CADPS2: variants seen among roughly 807,000 people sequenced by gnomAD.
CADPS2 encodes the protein calcium-dependent secretion activator 2.
In CADPS2, 93 loss-of-function variants were observed where a neutral mutation model predicts 172.5. That is an observed-to-expected ratio of 0.54 (90% CI 0.46 to 0.64). The LOEUF (loss-of-function observed/expected upper bound fraction) is 0.64, where lower values mean the gene tolerates loss of function less well. CADPS2 is among the 30% of genes least tolerant of loss of function. The pLI is 0.00. For synonymous variants in CADPS2, 546 were observed against 555.2 expected, an observed-to-expected ratio of 0.98 and a Z score of 0.23; for missense variants, 1,420 against 1,565.9, an observed-to-expected ratio of 0.91 and a Z score of 1.57.
chr7:122,603,940 A>ATG (rs2073143201), intron 6 of CADPS2, among the ~76,000 whole-genome samples: 1 of 152,140 alleles, frequency 6.6e-6, no homozygotes, highest in Non-Finnish European at 1.5e-5. Flanking sequence ...CAGTTATAAG[A>ATG]TGAACAAGTT....
intron 6 of CADPS2, among the ~76,000 whole-genome samples, chr7:122,604,877 A>G (rs571798505): frequency 6.6e-6 from 1 of 152,200 alleles, no homozygotes; most frequent in South Asian, 2.1e-4. Flanking sequence ...TGAGAAATGC[A>G]TCCTTAGGCG....
intron 2 of CADPS2, among the ~76,000 whole-genome samples, chr7:122,707,058 G>A (rs2136524955): frequency 6.6e-6 from 1 of 151,894 alleles, no homozygotes; most frequent in Non-Finnish European, 1.5e-5. Context: ...TGTTACTAAG[G>A]GGAAAGACAT....
chr7:122,789,859 A>G (rs1382308945), intron 1 of CADPS2, among the ~76,000 whole-genome samples: 2 of 152,154 alleles, frequency 1.3e-5, no homozygotes, highest in African/African-American at 4.8e-5. Flanking sequence ...TTTCTTAAAC[A>G]TAGGAGCAAT....
intron 1 of CADPS2, among the ~76,000 whole-genome samples, chr7:122,882,768 AAAGTT>A (rs1336093493): frequency 6.6e-6 from 1 of 152,152 alleles, no homozygotes; most frequent in Non-Finnish European, 1.5e-5. Flanking sequence ...AGAACCATCC[AAAGTT>A]AATCATCATT....
intron 20 of CADPS2, 75 bp downstream of exon 20, chr7:122,407,465 A>T: frequency 1.4e-6 from 2 of 1,460,548 alleles, no homozygotes; most frequent in Non-Finnish European, 1.9e-6. Flanking sequence ...GTGAGGGCAC[A>T]GTAAAAATAC....
chr7:122,681,502 T>A, intron 2 of CADPS2: 1 of 1,471,780 alleles, frequency 6.8e-7, no homozygotes, highest in South Asian at 1.1e-5. Flanking sequence ...GATGCCTATG[T>A]GCTTCCCAAG....
Position 122,621,517 on chromosome 7 carries a change from C to T in CADPS2, c.1068G>A (p.Leu356=). 1 of 1,613,726 alleles carries T rather than the reference C, an allele frequency of 6.2e-7. No individual in the cohort carries two copies. The highest frequency in any genetic ancestry group is 1.1e-5 in the South Asian group (1 of 91,068). The change falls in exon 5 of 30, where the codon CTG becomes CTA. Residue 356 remains leucine (L), a synonymous_variant. Transcript: ENST00000449022. The part of the protein sequence containing the change: ...LDIGDENEIQ[L]SKSDVVLSFT... ...ATGACAGTACCACGTCGGACTTTGACAGCTGAATCTCATTCTCATCTCCTA... is the reference window on the plus strand; with the variant it reads ...ATGACAGTACCACGTCGGACTTTGATAGCTGAATCTCATTCTCATCTCCTA...
chr7:122,791,834 T>C (rs1482062597), intron 1 of CADPS2, among the ~76,000 whole-genome samples: 1 of 152,188 alleles, frequency 6.6e-6, no homozygotes, highest in Non-Finnish European at 1.5e-5. Flanking sequence ...ACATTTTATC[T>C]CAATTATCTC....
rs1824311103 is a variant in CADPS2 at position 122,886,145 on chromosome 7, T to C, written c.193A>G (p.Ser65Gly). ...CGCTGGGGCTCGTCTCGCCCCTCGCTGAGCACAGAGGGGCTCGGGCTCACA... is the reference window on the plus strand; with the variant it reads ...CGCTGGGGCTCGTCTCGCCCCTCGCCGAGCACAGAGGGGCTCGGGCTCACA... ...RSVSPSPSVL[S>G]EGRDEPQRQL... The change falls in exon 1 of 30, where the codon AGC (serine) becomes GGC (glycine). Residue 65 changes from serine to glycine, a missense_variant. Physicochemically the swap from Ser to Gly is moderately conservative, Grantham distance 56. Transcript: ENST00000449022. The C allele has an allele frequency of 6.4e-7, 1 of 1,550,874 alleles. No individual in the cohort carries two copies. The highest frequency in any genetic ancestry group is 8.7e-7 in the Non-Finnish European group (1 of 1,147,974).
chr7:122,547,339 A>G (rs2063731075), intron 8 of CADPS2, among the ~76,000 whole-genome samples: 2 of 152,160 alleles, frequency 1.3e-5, no homozygotes, highest in African/African-American at 4.8e-5. Context: ...GTCAAATTTA[A>G]ATTTGTGAAA....
Position 122,730,771 on chromosome 7 carries a change from T to G in CADPS2, c.453+6184A>C, listed in dbSNP as rs1588835238. Among the ~76,000 whole-genome samples, 10 of 151,778 alleles carry G rather than the reference T, an allele frequency of 6.6e-5. 1 individual carries two copies. The South Asian group carries it at 2.1e-3, about 31-fold the overall frequency. On this transcript the variant is annotated intron_variant, in intron 2 of 29. Coordinates refer to ENST00000449022, the MANE Select transcript of CADPS2 (RefSeq NM_017954.11). Reference sequence around the variant, plus strand: ...TTATAATGTACTATTTTTAGAGCAGTTTTAGGATGACAAAAACATTTCTTA... The same window carrying G: ...TTATAATGTACTATTTTTAGAGCAGGTTTAGGATGACAAAAACATTTCTTA...
Position 122,407,548 on chromosome 7 carries a change from C to T in CADPS2, c.2738G>A (p.Arg913Gln), listed in dbSNP as rs866025011. Residue 913 changes from arginine to glutamine, a missense_variant, in exon 20 of 30, where the codon CGA becomes CAA. Coordinates refer to ENST00000449022, the MANE Select transcript of CADPS2 (RefSeq NM_017954.11). ...AAAACGCAAATGCTCACTGTCATTT[C>T]GGAGGAAATTATTAAGCAGTTGGAA... ...PLFQLLNNFLRNDTLLCNGKF... is the reference protein window; with the variant it reads ...PLFQLLNNFLQNDTLLCNGKF... 9 of 1,610,284 alleles carry T rather than the reference C, an allele frequency of 5.6e-6. No individual in the cohort carries two copies. Among genetic ancestry groups the T allele is most frequent in the Admixed American group, 1.7e-5 (1 of 59,480 alleles).
chr7:122,659,193 A>G (rs2080203849), intron 3 of CADPS2, among the ~76,000 whole-genome samples: 1 of 151,844 alleles, frequency 6.6e-6, no homozygotes, highest in Admixed American at 6.6e-5. Context: ...AGGAATTTAG[A>G]TTACTATTAT....
At chr7:122,668,098 A>T (rs2081368358) in intron 2 of CADPS2, among the ~76,000 whole-genome samples, 2 of 152,188 alleles carry the variant, frequency 1.3e-5, no homozygotes, top group Non-Finnish European at 2.9e-5. Context: ...TATCACATGA[A>T]CACAACAGAC....
intron 1 of CADPS2, among the ~76,000 whole-genome samples, chr7:122,857,474 G>A (rs1374532076): frequency 6.6e-6 from 1 of 152,114 alleles, no homozygotes; most frequent in African/African-American, 2.4e-5. Flanking sequence ...GTTACTTTGG[G>A]GAAAGGAGTG....
At chr7:122,431,178 G>A (rs2049862686) in intron 17 of CADPS2, among the ~76,000 whole-genome samples, 1 of 152,218 alleles carries the variant, frequency 6.6e-6, no homozygotes, top group African/African-American at 2.4e-5. Flanking sequence ...CAGCTTGCCA[G>A]TTTATGGATG....
At chr7:122,753,858 C>A (rs1399139054) in intron 1 of CADPS2, among the ~76,000 whole-genome samples, 2 of 152,126 alleles carry the variant, frequency 1.3e-5, no homozygotes, top group Admixed American at 1.3e-4. Context: ...GCACAATTTG[C>A]CCAATCAATA....
rs576992061 is a variant in CADPS2 at position 122,569,402 on chromosome 7, C to A, written c.1335+11777G>T. ...AAAGAAGATACAAACAAATGGAAGA[C>A]CATTCCATGCTCGTGGATAGGAAGA... On this transcript the variant is annotated intron_variant, in intron 7 of 29. Coordinates refer to ENST00000449022, the MANE Select transcript of CADPS2 (RefSeq NM_017954.11). Among the ~76,000 whole-genome samples the A allele has an allele frequency of 5.3e-4, 81 of 151,958 alleles. 1 individual carries two copies. The Middle Eastern group carries it at 0.014, about 26-fold the overall frequency.
chr7:122,683,355 G>A (rs1383526692), intron 2 of CADPS2, among the ~76,000 whole-genome samples: 1 of 152,108 alleles, frequency 6.6e-6, no homozygotes, highest in African/African-American at 2.4e-5. Context: ...AAGTGTGGCA[G>A]GCCAAAAAGG....
Sources: allele counts gnomAD v4.1 joint callset (sites outside exome capture counted in the v4.1 genomes callset), GRCh38; gene constraint gnomAD v4.1.1; transcripts MANE v1.5; gene names NCBI Gene and HGNC (gene_info 2026-07-23, HGNC 2026-07-21).